The following TSPEAR variants were observed in gnomAD, a reference collection of about 807,000 sequenced individuals.
TSPEAR encodes the protein thrombospondin type laminin G domain and EAR repeats.
Under a neutral mutation model 71.6 loss-of-function variants are expected in TSPEAR, and 69 were observed. The ratio of observed to expected loss-of-function variants is 0.96; its 90% CI spans 0.79 to 1.18. The LOEUF is 1.18. TSPEAR is among the 50% of genes most tolerant of loss of function. TSPEAR has a pLI of 0.00. For missense variants in TSPEAR, 971 were observed against 894.9 expected (o/e 1.09, Z -1.09); for synonymous variants, 402 against 387.2 (o/e 1.04, Z -0.45).
chr21:44,625,419 C>A (rs1982702980), intron 1 of TSPEAR, among the ~76,000 whole-genome samples: 1 of 152,146 alleles, frequency 6.6e-6, no homozygotes, highest in Non-Finnish European at 1.5e-5. Flanking sequence ...TAGCAAGACT[C>A]TGGTCTCTAC....
intron 1 of TSPEAR, chr21:44,646,625 C>T (rs1432956393): frequency 1.2e-6 from 2 of 1,613,062 alleles, no homozygotes; most frequent in South Asian, 1.1e-5. Context: ...GTGTCCAGCC[C>T]CTGCTGCCAG....
In TSPEAR at chr21:44,681,647, G is replaced by C. The variant is rs536327308; in HGVS notation, c.82+29786C>G. The C allele has an allele frequency of 1.5e-3, 1,169 of 754,644 alleles. 8 individuals are homozygous for C. The highest frequency in any genetic ancestry group is 1.6e-3 in the Middle Eastern group (4 of 2,534). 46.7% of individuals were successfully genotyped at this position (754,644 alleles called of 1,614,324 possible). A position where few individuals can be genotyped will look rare whatever the true frequency, so the allele number is the denominator to read the frequency against. On this transcript the variant is annotated intron_variant, in intron 1 of 11. Coordinates refer to ENST00000323084, the MANE Select transcript of TSPEAR (RefSeq NM_144991.3). Reference sequence around the variant, plus strand: ...TGACTCTGGGACCCCAGACTTCCCTGGGGGGATAGGCAAGTTCAGCCAGGG... The same window carrying C: ...TGACTCTGGGACCCCAGACTTCCCTCGGGGGATAGGCAAGTTCAGCCAGGG...
In TSPEAR at chr21:44,691,078, C is replaced by CCTCGCCTCCTCTCCCCTTCTCTCCT. The variant is rs1555949684; in HGVS notation, c.82+20330_82+20354dup. 2.6e-5 allele frequency among the ~76,000 whole-genome samples: 4 copies of CCTCGCCTCCTCTCCCCTTCTCTCCT among 152,026 alleles called. No homozygotes were observed. In the South Asian group the frequency reaches 8.3e-4, roughly 32 times the overall value. ...CCTCCCCTCCCTTCCCTTCATCTCC[C>CCTCGCCTCCTCTCCCCTTCTCTCCT]CTCGCCTCCTCTCCCCTTCTCTCCT... On this transcript the variant is annotated intron_variant, in intron 1 of 11. Transcript: ENST00000323084.
At position 44,710,229 on chromosome 21, in the gene TSPEAR, A is replaced by T. The variant is rs1444026662; in HGVS notation, c.82+1204T>A. On this transcript the variant is annotated intron_variant, in intron 1 of 11. Coordinates refer to ENST00000323084, the MANE Select transcript of TSPEAR (RefSeq NM_144991.3). This position sits in a 1 kb window ranked among gnomAD's most constrained non-coding sequence, Gnocchi z 4.6. ...CTGACTTGGCTCTCGTATTGTTTGC[A>T]GAATCACCCAGTTCCAAGGCAGTCC... 3.3e-5 allele frequency among the ~76,000 whole-genome samples: 5 copies of T among 152,212 alleles called. No homozygotes were observed. Among genetic ancestry groups the T allele is most frequent in the Non-Finnish European group, 5.9e-5 (4 of 68,046 alleles).
At chr21:44,527,059 G>A (rs953924132) in intron 7 of TSPEAR, among the ~76,000 whole-genome samples, 2 of 152,220 alleles carry the variant, frequency 1.3e-5, no homozygotes, top group Admixed American at 6.5e-5. Context: ...GATGGCATGT[G>A]GGAAATGGTC....
intron 1 of TSPEAR, among the ~76,000 whole-genome samples, chr21:44,685,736 C>T (rs1281630961): frequency 1.3e-5 from 2 of 152,174 alleles, no homozygotes; most frequent in African/African-American, 4.8e-5. Flanking sequence ...CCTCTACCCC[C>T]GGTATAATTT....
chr21:44,546,278 T>G lies in TSPEAR; in HGVS notation c.304-12355A>C, dbSNP rs587749287. On this transcript the variant is annotated intron_variant, in intron 2 of 11. Coordinates refer to ENST00000323084, the MANE Select transcript of TSPEAR (RefSeq NM_144991.3). The surrounding 1 kb of genome is among the most constrained non-coding windows in gnomAD (Gnocchi z 4.4). ...AGTGCCCTTTTATTTCAGCCTGAAT[T>G]AGCATTTCTTGTAAGGCAAGTCTAT... 6.6e-6 allele frequency among the ~76,000 whole-genome samples: 1 copy of G among 152,340 alleles called. No individual in the cohort carries two copies. The highest frequency in any genetic ancestry group is 1.9e-4 in the East Asian group (1 of 5,180).
At chr21:44,678,019 A>T in intron 1 of TSPEAR, 1 of 829,320 alleles carries the variant, frequency 1.2e-6, no homozygotes, top group East Asian at 2.5e-5. Context: ...TGGACGGAGG[A>T]CTAACTTCCC....
intron 1 of TSPEAR, chr21:44,682,267 G>T: frequency 1.0e-6 from 1 of 974,370 alleles, no homozygotes; most frequent in Non-Finnish European, 1.5e-6. Flanking sequence ...CTTCCTCAAG[G>T]CTGTTTCCTG....
At chr21:44,605,299 G>C (rs1555929646) in intron 1 of TSPEAR, among the ~76,000 whole-genome samples, 1 of 152,134 alleles carries the variant, frequency 6.6e-6, no homozygotes, top group South Asian at 2.1e-4. Flanking sequence ...GATGAAAGAA[G>C]TTGAAGACAC....
At chr21:44,571,701 G>C (rs587632137) in intron 1 of TSPEAR, among the ~76,000 whole-genome samples, 1 of 152,326 alleles carries the variant, frequency 6.6e-6, no homozygotes, top group East Asian at 1.9e-4. Context: ...CAAAACGAAA[G>C]GACTTGAGGG....
intron 9 of TSPEAR, among the ~76,000 whole-genome samples, chr21:44,513,611 G>C (rs1267177088): frequency 6.6e-6 from 1 of 152,218 alleles, no homozygotes; most frequent in Non-Finnish European, 1.5e-5. Context: ...GTGCTTCCGG[G>C]ACTTGGCAGC....
intron 1 of TSPEAR, among the ~76,000 whole-genome samples, chr21:44,613,445 G>A (rs1216857188): frequency 6.6e-6 from 1 of 152,150 alleles, no homozygotes; most frequent in African/African-American, 2.4e-5. Context: ...GCCCTGGGCT[G>A]TGGGGCTCTC....
In TSPEAR at chr21:44,546,528, C is replaced by T. The variant is rs149412784; in HGVS notation, c.304-12605G>A. 9.0e-4 allele frequency among the ~76,000 whole-genome samples: 137 copies of T among 152,324 alleles called. No individual in the cohort carries two copies. Among genetic ancestry groups the T allele is most frequent in the Middle Eastern group, 6.8e-3 (2 of 294 alleles). ...TTTTTGTATTTTGATTGGAGTTTCACCATGTTAGCCAGGATGGTCTCAATC... is the reference window on the plus strand; with the variant it reads ...TTTTTGTATTTTGATTGGAGTTTCATCATGTTAGCCAGGATGGTCTCAATC... On this transcript the variant is annotated intron_variant, in intron 2 of 11. Transcript: ENST00000323084. This position sits in a 1 kb window ranked among gnomAD's most constrained non-coding sequence, Gnocchi z 4.4.
intron 1 of TSPEAR, chr21:44,666,373 C>G: frequency 2.0e-6 from 3 of 1,480,512 alleles, no homozygotes; most frequent in Non-Finnish European, 2.7e-6. Flanking sequence ...AGAAGACCAA[C>G]TGAGGACTCA....
intron 1 of TSPEAR, among the ~76,000 whole-genome samples, chr21:44,634,450 G>A (rs1983428711): frequency 6.6e-6 from 1 of 152,160 alleles, no homozygotes; most frequent in Non-Finnish European, 1.5e-5. Context: ...TATGACACCA[G>A]AAGCATAAGC....
Position 44,509,254 on chromosome 21 carries a change from C to T in TSPEAR, c.1699G>A (p.Glu567Lys), listed in dbSNP as rs782375762. 19 of 1,613,912 alleles carry T rather than the reference C, an allele frequency of 1.2e-5. No individual in the cohort carries two copies. The highest frequency in any genetic ancestry group is 8.0e-5 in the African/African-American group (6 of 74,884). Reference protein sequence around the residue: ...DSYVINSVIYELNVTAQAFVK... With the variant: ...DSYVINSVIYKLNVTAQAFVK... ...AAGGCCTGCGCGGTCACGTTCAGCT[C>T]GTAGATGACGGAGTTGATGACATAG... The change falls in exon 10 of 12, where the codon GAG becomes AAG. Residue 567 changes from glutamate (E) to lysine (K), a missense_variant. Transcript: ENST00000323084.
chr21:44,681,514 G>C (rs781445987), intron 1 of TSPEAR: 1 of 324,106 alleles, frequency 3.1e-6, no homozygotes, highest in African/African-American at 2.1e-5. Flanking sequence ...CAAATTCTAT[G>C]TAATCAGCAG....
intron 1 of TSPEAR, among the ~76,000 whole-genome samples, chr21:44,651,595 T>A (rs1984796687): frequency 6.6e-6 from 1 of 152,052 alleles, no homozygotes; most frequent in Non-Finnish European, 1.5e-5. Flanking sequence ...GCCATGACCT[T>A]CTCCTCTGGC....
Sources: allele counts gnomAD v4.1 joint callset (sites outside exome capture counted in the v4.1 genomes callset), GRCh38; gene constraint gnomAD v4.1.1; non-coding constraint Gnocchi (gnomAD v3.1); transcripts MANE v1.5; gene names NCBI Gene and HGNC (gene_info 2026-07-23, HGNC 2026-07-21).